NUBPL: variants seen among roughly 807,000 people sequenced by gnomAD.
The protein encoded by NUBPL is iron-sulfur cluster transfer protein NUBPL.
Under a neutral mutation model 45.7 loss-of-function variants are expected in NUBPL, and 31 were observed. The observed-to-expected ratio is 0.68, with a 90% CI of 0.51 to 0.92. The LOEUF (loss-of-function observed/expected upper bound fraction) is 0.92. Ranked by LOEUF, NUBPL falls within the 40% of genes least tolerant of loss-of-function variation. The probability of loss-of-function intolerance (pLI) is 0.00; values close to 1 mark genes in which losing one functional copy is unlikely to be tolerated. For synonymous variants in NUBPL, 144 were observed against 140.9 expected (o/e 1.02, Z -0.15); for missense variants, 401 against 398.7 (o/e 1.01, Z -0.05).
chr14:31,710,090 C>A (rs1413835386), intron 6 of NUBPL, among the ~76,000 whole-genome samples: 2 of 152,102 alleles, frequency 1.3e-5, no homozygotes, highest in Non-Finnish European at 2.9e-5. Context: ...CCATTTTTCC[C>A]CATCAGAGAG....
At chr14:31,858,988 A>G (rs1039031344) in intron 10 of NUBPL, 130 bp from the exon 11 acceptor site, 1 of 746,908 alleles carries the variant, frequency 1.3e-6, no homozygotes, top group Non-Finnish European at 2.4e-6. Context: ...TATCTTCTCA[A>G]TACTGAATTT....
intron 7 of NUBPL, among the ~76,000 whole-genome samples, chr14:31,815,962 T>C (rs1036947399): frequency 2.0e-5 from 3 of 152,226 alleles, no homozygotes; most frequent in Non-Finnish European, 2.9e-5. Flanking sequence ...GATTTTTGCA[T>C]TGATGTTCAT....
At chr14:31,695,728 G>C (rs143514496) in intron 6 of NUBPL, among the ~76,000 whole-genome samples, 222 of 152,150 alleles carry the variant, frequency 1.5e-3, no homozygotes, top group Middle Eastern at 0.014. Context: ...TCTTGACCTT[G>C]GACTTCCTAG....
intron 4 of NUBPL, among the ~76,000 whole-genome samples, chr14:31,610,554 A>C (rs963301176): frequency 1.4e-5 from 2 of 142,232 alleles, no homozygotes; most frequent in Non-Finnish European, 3.0e-5. Flanking sequence ...ATATTGCCAC[A>C]CTCATTCTGT....
intron 4 of NUBPL, among the ~76,000 whole-genome samples, chr14:31,633,155 GT>G (rs2035389162): frequency 6.6e-6 from 1 of 152,144 alleles, no homozygotes; most frequent in Non-Finnish European, 1.5e-5. Flanking sequence ...ATGCCACTCA[GT>G]TTGTGGAAAT....
At chr14:31,643,863 A>T (rs1406379758) in intron 4 of NUBPL, among the ~76,000 whole-genome samples, 1 of 151,982 alleles carries the variant, frequency 6.6e-6, no homozygotes, top group Non-Finnish European at 1.5e-5. Context: ...TCCCTGGTTC[A>T]ATCTTGATAG....
intron 6 of NUBPL, among the ~76,000 whole-genome samples, chr14:31,768,274 A>C (rs995392050): frequency 6.6e-6 from 1 of 152,210 alleles, no homozygotes; most frequent in Admixed American, 6.5e-5. Flanking sequence ...AAGTAAGCCT[A>C]CTTTACCTAA....
intron 4 of NUBPL, among the ~76,000 whole-genome samples, chr14:31,666,414 A>G (rs961653427): frequency 6.6e-6 from 1 of 151,448 alleles, no homozygotes; most frequent in Non-Finnish European, 1.5e-5. Context: ...GCAGGTATGC[A>G]CCACCATGCC....
intron 4 of NUBPL, among the ~76,000 whole-genome samples, chr14:31,631,121 C>T (rs1271981839): frequency 6.6e-6 from 1 of 152,130 alleles, no homozygotes; most frequent in Non-Finnish European, 1.5e-5. Flanking sequence ...AGTCATAGAG[C>T]TCATCTCACT....
intron 4 of NUBPL, among the ~76,000 whole-genome samples, chr14:31,652,006 T>G (rs2036020654): frequency 6.6e-6 from 1 of 151,638 alleles, no homozygotes; most frequent in Admixed American, 6.6e-5. Flanking sequence ...ATGCTCAACA[T>G]CACTAAGTGT....
chr14:31,851,998 T>C (rs1481536180), intron 10 of NUBPL, among the ~76,000 whole-genome samples: 2 of 152,164 alleles, frequency 1.3e-5, no homozygotes, highest in Non-Finnish European at 2.9e-5. Flanking sequence ...GATAATATGA[T>C]TTAATACTCT....
chr14:31,730,620 T>G (rs935718717), intron 6 of NUBPL, among the ~76,000 whole-genome samples: 1 of 152,000 alleles, frequency 6.6e-6, no homozygotes, highest in Non-Finnish European at 1.5e-5. Context: ...CCCACCACTA[T>G]GCCTGACTAA....
At chr14:31,787,028 G>A (rs2039297425) in intron 6 of NUBPL, among the ~76,000 whole-genome samples, 1 of 152,174 alleles carries the variant, frequency 6.6e-6, no homozygotes, top group African/African-American at 2.4e-5. Flanking sequence ...GTGTGTTTGA[G>A]AGATTTTTAG....
intron 4 of NUBPL, among the ~76,000 whole-genome samples, chr14:31,620,812 G>T (rs550389694): frequency 6.6e-6 from 1 of 152,328 alleles, no homozygotes; most frequent in East Asian, 1.9e-4. Context: ...CGAACACTGT[G>T]CTGGGAGATC....
At chr14:31,832,808 CTGAGT>C (rs1021679366) in intron 8 of NUBPL, among the ~76,000 whole-genome samples, 2 of 152,064 alleles carry the variant, frequency 1.3e-5, no homozygotes, top group Non-Finnish European at 2.9e-5. Flanking sequence ...ACTGTATGAC[CTGAGT>C]TATCTATTCT....
At chr14:31,703,913 T>C (rs536368244) in intron 6 of NUBPL, among the ~76,000 whole-genome samples, 1 of 138,378 alleles carries the variant, frequency 7.2e-6, no homozygotes, top group African/African-American at 2.5e-5. Flanking sequence ...CTGGCACAGC[T>C]GCCAAATTAT....
intron 6 of NUBPL, among the ~76,000 whole-genome samples, chr14:31,711,840 C>T (rs72674891): frequency 1.3e-5 from 2 of 151,726 alleles, no homozygotes; most frequent in Non-Finnish European, 2.9e-5. Flanking sequence ...TGAAGACCTT[C>T]GCGGTGGGTG....
chr14:31,691,420 GT>G (rs759575829), intron 6 of NUBPL, among the ~76,000 whole-genome samples: 4 of 152,190 alleles, frequency 2.6e-5, no homozygotes, highest in Non-Finnish European at 4.4e-5. Flanking sequence ...TATTAGTAAA[GT>G]TTTTTGGGAG....
intron 6 of NUBPL, among the ~76,000 whole-genome samples, chr14:31,772,829 G>A (rs1343208324): frequency 6.6e-6 from 1 of 152,134 alleles, no homozygotes; most frequent in African/African-American, 2.4e-5. Flanking sequence ...AACTCATAGT[G>A]ACTTTAGAGG....
Sources: allele counts gnomAD v4.1 joint callset (sites outside exome capture counted in the v4.1 genomes callset), GRCh38; gene constraint gnomAD v4.1.1; transcripts MANE v1.5; gene names NCBI Gene and HGNC (gene_info 2026-07-23, HGNC 2026-07-21).